HIGD1C: variants seen among roughly 807,000 people sequenced by gnomAD.
HIGD1C encodes the protein HIG1 hypoxia inducible domain family member 1C.
HIGD1C carries 11 observed loss-of-function variants against 13.1 expected under a neutral mutation model. The ratio of observed to expected loss-of-function variants is 0.84; its 90% CI spans 0.53 to 1.39. The LOEUF is 1.39. HIGD1C is among the 40% of genes most tolerant of loss of function. The pLI is 0.00. For missense variants in HIGD1C, 110 were observed against 112.0 expected (o/e 0.98, Z 0.08); for synonymous variants, 36 against 37.7 (o/e 0.95, Z 0.17).
chr12:50,969,911 AT>A (rs1437873619), intron 2 of HIGD1C, among the ~76,000 whole-genome samples: 1 of 152,022 alleles, frequency 6.6e-6, no homozygotes, highest in Non-Finnish European at 1.5e-5. Flanking sequence ...CTTGGAACTC[AT>A]TAAAGCAGCT....
chr12:50,966,322 A>G (rs1175421261), intron 2 of HIGD1C, among the ~76,000 whole-genome samples: 2 of 152,182 alleles, frequency 1.3e-5, no homozygotes, highest in Non-Finnish European at 2.9e-5. Flanking sequence ...TAAGCAGGAT[A>G]AATTTACTCT....
intron 2 of HIGD1C, among the ~76,000 whole-genome samples, chr12:50,966,100 T>G (rs1319226945): frequency 6.6e-6 from 1 of 152,200 alleles, no homozygotes; most frequent in Non-Finnish European, 1.5e-5. Context: ...TAGGCTTTGC[T>G]GCCCATCACA....
chr12:50,951,683 G>A (rs943257049), upstream of HIGD1C, among the ~76,000 whole-genome samples: 1 of 152,028 alleles, frequency 6.6e-6, no homozygotes, highest in Non-Finnish European at 1.5e-5. Flanking sequence ...CTTTTGGGAG[G>A]CCAAGGTGGG....
the HIGD1C span, among the ~76,000 whole-genome samples, chr12:50,945,586 C>T: frequency 2.0e-5 from 3 of 152,140 alleles, no homozygotes; most frequent in Non-Finnish European, 4.4e-5. Context: ...AAAGAGGACA[C>T]AAACAAATGG....
chr12:50,931,179 G>A, the HIGD1C span: 3 of 150,982 alleles, frequency 2.0e-5, no homozygotes, highest in African/African-American at 2.4e-5. Context: ...GGGTCCTGGA[G>A]AAATGGGTTA....
chr12:50,971,095 G>C (rs1939744389), downstream of HIGD1C, among the ~76,000 whole-genome samples: 1 of 152,104 alleles, frequency 6.6e-6, no homozygotes, highest in Admixed American at 6.6e-5. Context: ...GGCCAGGCTG[G>C]TCTCGAACTC....
At position 50,963,685 on chromosome 12, in the gene HIGD1C, A is replaced by C. The variant is rs549125798; in HGVS notation, c.229+2583A>C. On this transcript the variant is annotated intron_variant, in intron 2 of 2. Transcript: ENST00000398455. ...TAAAGTGAGCCAGCAGAGAAGCAAA[A>C]CTGTACCGCAACAGTGTCTTCCAGA... is the stretch of plus-strand genomic sequence containing the variant. 2.6e-5 allele frequency among the ~76,000 whole-genome samples: 4 copies of C among 152,290 alleles called. No individual in the cohort carries two copies. In the South Asian group the frequency reaches 8.3e-4, roughly 32 times the overall value.
At chr12:50,958,035 A>C (rs972954825) in intron 1 of HIGD1C, among the ~76,000 whole-genome samples, 1 of 147,672 alleles carries the variant, frequency 6.8e-6, no homozygotes, top group Non-Finnish European at 1.5e-5. Flanking sequence ...CGAACTTCTG[A>C]CCTCAAGTGA....
rs1259691518 is a variant in HIGD1C, at chr12:50,957,352, C to T, written c.94+3260C>T. Among the ~76,000 whole-genome samples, 4 of 151,710 alleles carry T rather than the reference C, an allele frequency of 2.6e-5. No individual in the cohort carries two copies. In the South Asian group the frequency reaches 6.3e-4, roughly 24 times the overall value. ...CAGCTTCCTGAGTAAGCATGCGCCA[C>T]CACACCTGGCTAATTTTTGTATTTT... On this transcript the variant is annotated intron_variant, in intron 1 of 2. Transcript: ENST00000398455.
the HIGD1C span, among the ~76,000 whole-genome samples, chr12:50,933,419 A>G: frequency 6.6e-6 from 1 of 152,262 alleles, no homozygotes; most frequent in African/African-American, 2.4e-5. Context: ...CAGAATCCCA[A>G]TCCAAACAGA....
At chr12:50,943,563 A>G in the HIGD1C span, among the ~76,000 whole-genome samples, 2 of 152,112 alleles carry the variant, frequency 1.3e-5, no homozygotes. Flanking sequence ...ACAAAAAATT[A>G]GCCAGGTGAG....
upstream of HIGD1C, among the ~76,000 whole-genome samples, chr12:50,951,302 C>CT (rs1825446362): frequency 6.6e-6 from 1 of 152,134 alleles, no homozygotes; most frequent in Admixed American, 6.5e-5. Context: ...ATGACAGACT[C>CT]TATTTAGAAA....
At chr12:50,941,532 G>A in the HIGD1C span, among the ~76,000 whole-genome samples, 19 of 152,148 alleles carry the variant, frequency 1.2e-4, no homozygotes, top group Admixed American at 1.2e-3. Flanking sequence ...CTTTTATGGT[G>A]GGAGGGGCGG....
intron 2 of HIGD1C, 40 bp downstream of exon 4, chr12:50,961,142 G>C (rs961371084): frequency 1.3e-5 from 21 of 1,600,272 alleles, no homozygotes; most frequent in Admixed American, 8.5e-5. Context: ...AGCTGTCTTT[G>C]AGAGTACATT....
At chr12:50,951,878 C>T (rs983040150), upstream of HIGD1C, among the ~76,000 whole-genome samples, 19 of 148,268 alleles carry the variant, frequency 1.3e-4, no homozygotes, top group Non-Finnish European at 1.9e-4. Context: ...GCCAAGATTG[C>T]GCCATCACAC....
chr12:50,964,813 C>T (rs1939480252), intron 2 of HIGD1C, among the ~76,000 whole-genome samples: 1 of 152,236 alleles, frequency 6.6e-6, no homozygotes, highest in Admixed American at 6.5e-5. Context: ...GGAATAGTAT[C>T]ATTCTCCAAG....
the HIGD1C span, chr12:50,934,882 A>C: frequency 1.3e-5 from 2 of 151,404 alleles, no homozygotes; most frequent in Non-Finnish European, 2.9e-5. Context: ...AATGAGCCAA[A>C]TGCTTATTTT....
the HIGD1C span, among the ~76,000 whole-genome samples, chr12:50,941,266 C>A: frequency 6.6e-6 from 1 of 152,114 alleles, no homozygotes; most frequent in South Asian, 2.1e-4. Context: ...GAGATTACAA[C>A]CATGAGCCAC....
At chr12:50,966,906 A>G (rs1276110679) in intron 2 of HIGD1C, among the ~76,000 whole-genome samples, 1 of 152,136 alleles carries the variant, frequency 6.6e-6, no homozygotes, top group African/African-American at 2.4e-5. Context: ...ATTTGAGGTC[A>G]GGAGTTCGAG....
Sources: gnomAD v4.1 joint callset for allele counts (sites outside exome capture counted in the v4.1 genomes callset) on GRCh38, gnomAD v4.1.1 for gene constraint, MANE v1.5 for transcripts, NCBI Gene and HGNC (gene_info 2026-07-23, HGNC 2026-07-21) for gene names.